The following STK32A variants were observed in gnomAD, a reference collection of about 807,000 sequenced individuals.
STK32A encodes the protein serine/threonine kinase 32A, also known as serine/threonine-protein kinase 32A.
In STK32A, 41 loss-of-function variants were observed where a neutral mutation model predicts 53.2. That is an observed-to-expected ratio of 0.77 (90% confidence interval 0.60 to 1.00). The LOEUF (loss-of-function observed/expected upper bound fraction) is 1.00, where lower values mean the gene tolerates loss of function less well. Ranked by LOEUF, STK32A falls within the 50% of genes least tolerant of loss-of-function variation. The probability of loss-of-function intolerance (pLI) is 0.00; values close to 1 mark genes in which losing one functional copy is unlikely to be tolerated. For missense variants in STK32A, 458 were observed against 485.8 expected (o/e 0.94, Z 0.54); for synonymous variants, 166 against 162.8 (o/e 1.02, Z -0.15).
intron 7 of STK32A, among the ~76,000 whole-genome samples, chr5:147,354,501 G>T (rs2151995005): frequency 6.6e-6 from 1 of 152,270 alleles, no homozygotes; most frequent in East Asian, 1.9e-4. Context: ...CTGGGAAATT[G>T]GAACCTAGGA....
chr5:147,250,583 G>T (rs999431779), intron 2 of STK32A, among the ~76,000 whole-genome samples: 1 of 152,150 alleles, frequency 6.6e-6, no homozygotes, highest in Non-Finnish European at 1.5e-5. Context: ...ATTCACAAAA[G>T]CAGTTTAGTG....
chr5:147,396,424 T>G, the STK32A span, among the ~76,000 whole-genome samples: 1 of 152,154 alleles, frequency 6.6e-6, no homozygotes, highest in Admixed American at 6.5e-5. Context: ...GGACAAACAC[T>G]GCAAGACCAC....
At chr5:147,314,255 C>T (rs549040494) in intron 4 of STK32A, among the ~76,000 whole-genome samples, 7 of 152,002 alleles carry the variant, frequency 4.6e-5, no homozygotes, top group South Asian at 2.1e-4. Flanking sequence ...CCCAGCAAAT[C>T]GGGAGGCCAA....
chr5:147,302,735 T>C (rs903539143), intron 4 of STK32A, among the ~76,000 whole-genome samples: 1 of 152,148 alleles, frequency 6.6e-6, no homozygotes, highest in African/African-American at 2.4e-5. Flanking sequence ...AGATGCAGAA[T>C]TGCAGACATG....
At chr5:147,343,841 G>A (rs931816206) in intron 6 of STK32A, among the ~76,000 whole-genome samples, 1 of 152,152 alleles carries the variant, frequency 6.6e-6, no homozygotes, top group Admixed American at 6.5e-5. Context: ...ACATAAAAAA[G>A]ATAAAAGTAT....
intron 9 of STK32A, among the ~76,000 whole-genome samples, chr5:147,371,645 C>T (rs929214627): frequency 6.6e-6 from 1 of 152,124 alleles, no homozygotes; most frequent in African/African-American, 2.4e-5. Context: ...TTGAGAGAAG[C>T]ATTTAGAAAC....
chr5:147,307,105 G>T (rs955297739), intron 4 of STK32A, among the ~76,000 whole-genome samples: 2 of 151,906 alleles, frequency 1.3e-5, no homozygotes, highest in Non-Finnish European at 2.9e-5. Context: ...AGAAGTAAAA[G>T]AAATACAAAT....
chr5:147,303,996 C>G (rs1258288673), intron 4 of STK32A, among the ~76,000 whole-genome samples: 1 of 152,122 alleles, frequency 6.6e-6, no homozygotes, highest in Non-Finnish European at 1.5e-5. Context: ...CAAGGAGCCA[C>G]TAGAAAATTT....
downstream of STK32A, among the ~76,000 whole-genome samples, chr5:147,389,298 T>C (rs1475753706): frequency 1.3e-5 from 2 of 152,196 alleles, no homozygotes; most frequent in Non-Finnish European, 2.9e-5. Context: ...TCTTTTTGCC[T>C]TCCTTGCATC....
Position 147,347,311 on chromosome 5 carries a change from A to T in STK32A, c.473-3754A>T, listed in dbSNP as rs989912787. Among the ~76,000 whole-genome samples the T allele has an allele frequency of 2.1e-5, 3 of 142,848 alleles. No individual in the cohort carries two copies. In the East Asian group the frequency reaches 6.2e-4, roughly 30 times the overall value. 93.7% of individuals were successfully genotyped at this position (142,848 alleles called of 152,430 possible). A position where few individuals can be genotyped will look rare whatever the true frequency, so the allele number is the denominator to read the frequency against. On this transcript the variant is annotated intron_variant, in intron 6 of 12. Coordinates refer to ENST00000397936, the MANE Select transcript of STK32A (RefSeq NM_001112724.2). The stretch of plus-strand genomic sequence containing the variant: ...GATTTTTTATATGATCCTCTATCCC[A>T]AGCAATAGAGGCAAAAAAAAAAAGG...
intron 1 of STK32A, among the ~76,000 whole-genome samples, chr5:147,236,321 T>A (rs958775489): frequency 2.0e-5 from 3 of 152,174 alleles, no homozygotes; most frequent in Non-Finnish European, 4.4e-5. Flanking sequence ...ACATTTCATA[T>A]GCTTTGGATT....
chr5:147,342,099 C>T (rs1755446480), intron 5 of STK32A, among the ~76,000 whole-genome samples: 1 of 152,194 alleles, frequency 6.6e-6, no homozygotes, highest in African/African-American at 2.4e-5. Flanking sequence ...CATTAAAGCC[C>T]TTCAGCCTAA....
chr5:147,320,094 CTATTT>C (rs1164747914), intron 4 of STK32A, among the ~76,000 whole-genome samples: 3 of 152,116 alleles, frequency 2.0e-5, no homozygotes, highest in African/African-American at 7.2e-5. Context: ...GTTATTCAAT[CTATTT>C]TATTTCTTTT....
intron 2 of STK32A, among the ~76,000 whole-genome samples, chr5:147,263,518 A>G (rs189341952): frequency 6.6e-6 from 1 of 152,288 alleles, no homozygotes. Flanking sequence ...ATGAAAACCA[A>G]AAAACAAATA....
intron 4 of STK32A, among the ~76,000 whole-genome samples, chr5:147,290,052 A>G (rs1014246587): frequency 1.3e-5 from 2 of 152,168 alleles, no homozygotes; most frequent in African/African-American, 2.4e-5. Flanking sequence ...TTAATTATGC[A>G]TGTTGTACTT....
chr5:147,399,833 T>TA, the STK32A span, among the ~76,000 whole-genome samples: 1 of 152,340 alleles, frequency 6.6e-6, no homozygotes, highest in South Asian at 2.1e-4. Context: ...GATAAATACA[T>TA]ACGTACTGCT....
chr5:147,374,842 T>C (rs908451088), intron 10 of STK32A, among the ~76,000 whole-genome samples: 1 of 152,192 alleles, frequency 6.6e-6, no homozygotes, highest in Non-Finnish European at 1.5e-5. Flanking sequence ...TATTTTCCAC[T>C]TTAGAAAAAT....
intron 7 of STK32A, among the ~76,000 whole-genome samples, chr5:147,360,312 G>C (rs943849158): frequency 6.6e-6 from 1 of 151,716 alleles, no homozygotes; most frequent in African/African-American, 2.4e-5. Context: ...TTTACCAAAT[G>C]TGGTGGTACC....
chr5:147,384,382 T>G lies in STK32A; in HGVS notation c.*399T>G. On this transcript the variant is annotated 3_prime_UTR_variant, in exon 13 of 13. Transcript: ENST00000397936. ...CTCCTTCTAATTATGCAGTGACAAA[T>G]GGACAAATGGACACAGGACTCAGTG... The G allele has an allele frequency of 6.5e-7, 1 of 1,530,936 alleles. No homozygotes were observed. Among genetic ancestry groups the G allele is most frequent in the Non-Finnish European group, 8.7e-7 (1 of 1,144,098 alleles). 94.8% of individuals were successfully genotyped at this position (1,530,936 alleles called of 1,614,324 possible). A position where few individuals can be genotyped will look rare whatever the true frequency, so the allele number is the denominator to read the frequency against.
Sources: gnomAD v4.1 joint callset for allele counts (sites outside exome capture counted in the v4.1 genomes callset) on GRCh38, gnomAD v4.1.1 for gene constraint, MANE v1.5 for transcripts, NCBI Gene and HGNC (gene_info 2026-07-23, HGNC 2026-07-21) for gene names.